The following PCNT variants were observed in gnomAD, a reference collection of about 807,000 sequenced individuals.
PCNT encodes pericentrin.
In PCNT, 319 loss-of-function variants were observed where a neutral mutation model predicts 380.4. The ratio of observed to expected loss-of-function variants is 0.84; its 90% CI spans 0.77 to 0.92. The LOEUF is 0.92. Ranked by LOEUF, PCNT falls within the 40% of genes least tolerant of loss-of-function variation. The pLI, the probability that PCNT is intolerant of heterozygous loss-of-function variation, is 0.00. For missense variants in PCNT, 4,400 were observed against 4,255.3 expected (o/e 1.03, Z -0.95); for synonymous variants, 1,845 against 1,735.2 (o/e 1.06, Z -1.57).
At chr21:46,371,975 TACAC>T (rs1017185514) in intron 15 of PCNT, among the ~76,000 whole-genome samples, 28 of 135,068 alleles carry the variant, frequency 2.1e-4, no homozygotes, top group African/African-American at 4.0e-4. Context: ...ACATAGCACA[TACAC>T]ACATGCAGCA....
At chr21:46,405,375 T>C (rs2086592734) in intron 27 of PCNT, among the ~76,000 whole-genome samples, 1 of 152,228 alleles carries the variant, frequency 6.6e-6, no homozygotes, top group Non-Finnish European at 1.5e-5. Flanking sequence ...GGCAAAAATT[T>C]AAAAATAGCC....
chr21:46,377,805 C>T (rs547837564), intron 15 of PCNT, among the ~76,000 whole-genome samples: 28 of 152,322 alleles, frequency 1.8e-4, no homozygotes, highest in African/African-American at 6.7e-4. Context: ...TGACATCGCA[C>T]CACTGCACTC....
Position 46,432,087 on chromosome 21 carries a change from T to A in PCNT, c.8623T>A (p.Leu2875Ile), listed in dbSNP as rs1488731530. 6.2e-7 allele frequency: 1 copy of A among 1,614,000 alleles called. No homozygotes were observed. Residue 2875 changes from leucine (L) to isoleucine (I), a missense_variant, in exon 38 of 47, where the codon TTA becomes ATA. Transcript: ENST00000359568. ...REKPAWLQAE[L>I]EQSHPRLKEQ... ...GAAACCAGCGTGGTTGCAGGCAGAA[T>A]TAGAGCAGTCACACCCACGGTTGAA...
In PCNT at chr21:46,393,733, G is replaced by A. The variant is rs569635515; in HGVS notation, c.4216+2357G>A. On this transcript the variant is annotated intron_variant, in intron 21 of 46. Coordinates refer to ENST00000359568, the MANE Select transcript of PCNT (RefSeq NM_006031.6). ...TGTGTCGTGCCCTGGGCCTGAGCAC[G>A]TGGGTCTGAGCACTGCAGGGCTTCT... is the stretch of plus-strand genomic sequence containing the variant. Among the ~76,000 whole-genome samples the A allele has an allele frequency of 9.8e-4, 150 of 152,338 alleles. 1 individual carries two copies. The Middle Eastern group carries it at 0.014, about 14-fold the overall frequency.
chr21:46,361,723 C>T (rs2084725956), intron 13 of PCNT, among the ~76,000 whole-genome samples: 1 of 152,224 alleles, frequency 6.6e-6, no homozygotes, highest in African/African-American at 2.4e-5. Flanking sequence ...GGATCTCCTT[C>T]AGCATCTCTT....
At chr21:46,424,543 C>T (rs1726639230) in intron 32 of PCNT, among the ~76,000 whole-genome samples, 1 of 152,264 alleles carries the variant, frequency 6.6e-6, no homozygotes, top group African/African-American at 2.4e-5. Context: ...AGGGCCTCTG[C>T]ATCTCTTCTT....
At chr21:46,348,715 A>G (rs2084163697) in intron 6 of PCNT, among the ~76,000 whole-genome samples, 1 of 152,052 alleles carries the variant, frequency 6.6e-6, no homozygotes, top group Non-Finnish European at 1.5e-5. Context: ...CCTGGGCTCA[A>G]TTGATCCTCC....
chr21:46,331,497 C>G (rs1388192806), intron 2 of PCNT, among the ~76,000 whole-genome samples: 3 of 152,220 alleles, frequency 2.0e-5, no homozygotes, highest in African/African-American at 7.2e-5. Flanking sequence ...ACAGCTGTCT[C>G]AGTTCTGAAA....
At position 46,445,706 on chromosome 21, in the gene PCNT, TTAAAAA is replaced by T. The variant is rs1251081505; in HGVS notation, c.*386_*391del. On this transcript the variant is annotated 3_prime_UTR_variant, in exon 47 of 47. Coordinates refer to ENST00000359568, the MANE Select transcript of PCNT (RefSeq NM_006031.6). ...TAACGTGTACAGATGGAAACTTCAT[TTAAAAA>T]TAAAAACAAAACAACTCAAAAAGGA... The T allele has an allele frequency of 5.1e-6, 1 of 197,302 alleles. No homozygotes were observed. Among genetic ancestry groups the T allele is most frequent in the Non-Finnish European group, 1.0e-5 (1 of 96,338 alleles). The allele number at this position is 197,302 out of a possible 1,614,324, so 12.2% of individuals were successfully genotyped here.
chr21:46,436,875 CAGAA>C, intron 39 of PCNT, 100 bp from the exon 40 acceptor site: 1 of 873,196 alleles, frequency 1.1e-6, no homozygotes, highest in Non-Finnish European at 1.9e-6. Flanking sequence ...ACAGGCTCCT[CAGAA>C]ACCTGTCTTG....
rs1056258160 is a variant in PCNT, at chr21:46,445,637, G to A, written c.*310G>A. 2.7e-5 allele frequency: 11 copies of A among 405,020 alleles called. No homozygotes were observed. Among genetic ancestry groups the A allele is most frequent in the East Asian group, 8.7e-5 (2 of 22,862 alleles). 25.1% of individuals were successfully genotyped at this position (405,020 alleles called of 1,614,324 possible). A position where few individuals can be genotyped will look rare whatever the true frequency, so the allele number is the denominator to read the frequency against. ...CAGATCCATCCTTCCTGCCTCCAAGGAGGATACACAGAGAATGGCTTCCTG... is the reference window on the plus strand; with the variant it reads ...CAGATCCATCCTTCCTGCCTCCAAGAAGGATACACAGAGAATGGCTTCCTG... On this transcript the variant is annotated 3_prime_UTR_variant, in exon 47 of 47. Coordinates refer to ENST00000359568, the MANE Select transcript of PCNT (RefSeq NM_006031.6).
At chr21:46,427,115 G>A (rs1017548011) in intron 33 of PCNT, among the ~76,000 whole-genome samples, 1 of 152,210 alleles carries the variant, frequency 6.6e-6, no homozygotes, top group Admixed American at 6.5e-5. Context: ...GGCCTTGAAG[G>A]CACAGCAGCA....
intron 13 of PCNT, among the ~76,000 whole-genome samples, chr21:46,363,010 C>T (rs1158555369): frequency 1.3e-5 from 2 of 152,224 alleles, no homozygotes; most frequent in Non-Finnish European, 2.9e-5. Flanking sequence ...TTGTACAGAT[C>T]GGGAGCATCG....
chr21:46,422,397 G>A (rs924853969), intron 32 of PCNT, among the ~76,000 whole-genome samples: 4 of 146,042 alleles, frequency 2.7e-5, no homozygotes, highest in African/African-American at 5.5e-5. Flanking sequence ...GCCCCGAGTC[G>A]CAGAGCCGGC....
chr21:46,394,443 C>G (rs2086140540), intron 21 of PCNT: 3 of 831,668 alleles, frequency 3.6e-6, no homozygotes, highest in Non-Finnish European at 4.4e-6. Flanking sequence ...GGTTCTAGCT[C>G]TCACATTCTC....
At chr21:46,399,497 T>G in intron 24 of PCNT, 93 bp from the exon 25 acceptor site, 1 of 936,630 alleles carries the variant, frequency 1.1e-6, no homozygotes, top group South Asian at 1.4e-5. Context: ...GGGCATCTAT[T>G]TTGTCTCTGT....
At chr21:46,325,018 G>GC (rs1448034461) in intron 1 of PCNT, 18 of 985,328 alleles carry the variant, frequency 1.8e-5, no homozygotes, top group Non-Finnish European at 2.2e-5. Flanking sequence ...CGGCGCTGGC[G>GC]CCGGGCGCCT....
At chr21:46,366,159 C>T (rs2084922492) in intron 14 of PCNT, among the ~76,000 whole-genome samples, 1 of 152,358 alleles carries the variant, frequency 6.6e-6, no homozygotes. Flanking sequence ...CCCCATGGGC[C>T]CCCATGGGCA....
chr21:46,374,306 A>G (rs2085260889), intron 15 of PCNT, among the ~76,000 whole-genome samples: 1 of 152,032 alleles, frequency 6.6e-6, no homozygotes, highest in South Asian at 2.1e-4. Context: ...ATACAGCATA[A>G]CCATGATCCA....
Sources: gnomAD v4.1 joint callset for allele counts (sites outside exome capture counted in the v4.1 genomes callset) on GRCh38, gnomAD v4.1.1 for gene constraint, MANE v1.5 for transcripts, NCBI Gene and HGNC (gene_info 2026-07-23, HGNC 2026-07-21) for gene names.